The following APBA1 variants were observed in gnomAD, a reference collection of about 807,000 sequenced individuals.
APBA1 encodes amyloid beta precursor protein binding family A member 1, also known as amyloid-beta A4 precursor protein-binding family A member 1.
A neutral mutation model predicts 86.6 loss-of-function variants in APBA1; 55 were observed. That is an observed-to-expected ratio of 0.64 (90% CI 0.51 to 0.80). The LOEUF (loss-of-function observed/expected upper bound fraction) is 0.80. Ranked by LOEUF, APBA1 falls within the 30% of genes least tolerant of loss-of-function variation. The pLI is 0.00. For missense variants in APBA1, 1,090 were observed against 1,183.0 expected (o/e 0.92, Z 1.15); for synonymous variants, 511 against 493.9 (o/e 1.03, Z -0.46).
At chr9:69,540,053 G>A (rs760702010) in intron 1 of APBA1, among the ~76,000 whole-genome samples, 5 of 151,996 alleles carry the variant, frequency 3.3e-5, no homozygotes, top group Admixed American at 1.3e-4. Context: ...TCGGGAGGCG[G>A]AGGTTGCAGT....
chr9:69,573,641 C>G (rs1163191421), intron 1 of APBA1, among the ~76,000 whole-genome samples: 1 of 152,132 alleles, frequency 6.6e-6, no homozygotes, highest in Non-Finnish European at 1.5e-5. Context: ...CTAAATGAAC[C>G]CACTAAATAG....
intron 1 of APBA1, among the ~76,000 whole-genome samples, chr9:69,595,533 C>T (rs1265878688): frequency 6.6e-6 from 1 of 152,188 alleles, no homozygotes; most frequent in East Asian, 1.9e-4. Flanking sequence ...CCATTATTGT[C>T]AATCTGGCTC....
intron 1 of APBA1, among the ~76,000 whole-genome samples, chr9:69,575,794 T>C (rs1046536192): frequency 1.2e-4 from 19 of 152,160 alleles, no homozygotes; most frequent in Non-Finnish European, 1.5e-5. Flanking sequence ...GACATAAGCA[T>C]GGGCAAGGAC....
chr9:69,524,765 G>T (rs1295909800), intron 1 of APBA1, among the ~76,000 whole-genome samples: 2 of 151,974 alleles, frequency 1.3e-5, no homozygotes, highest in Admixed American at 1.3e-4. Flanking sequence ...CCAAAAACCT[G>T]GAAAAGACAC....
intron 1 of APBA1, among the ~76,000 whole-genome samples, chr9:69,574,391 G>A (rs1482051501): frequency 2.6e-5 from 4 of 151,968 alleles, no homozygotes; most frequent in Admixed American, 6.6e-5. Context: ...ACCTTTCTTC[G>A]CAAACAACTT....
chr9:69,506,047 G>A (rs1344631827), intron 2 of APBA1, among the ~76,000 whole-genome samples: 2 of 151,278 alleles, frequency 1.3e-5, no homozygotes, highest in Non-Finnish European at 3.0e-5. Context: ...AAAAAAAAAA[G>A]AAAAGGAGGA....
intron 1 of APBA1, among the ~76,000 whole-genome samples, chr9:69,646,360 T>C (rs1178419817): frequency 1.3e-5 from 2 of 152,230 alleles, no homozygotes; most frequent in East Asian, 3.8e-4. Flanking sequence ...TTAAAACATA[T>C]AGAAAACAGG....
intron 1 of APBA1, among the ~76,000 whole-genome samples, chr9:69,663,410 CT>C (rs745403646): frequency 1.2e-4 from 18 of 152,238 alleles, no homozygotes; most frequent in Admixed American, 8.5e-4. Context: ...TCCAAATTCA[CT>C]GAATAGCCAA....
At chr9:69,450,671 C>A (rs534112601) in intron 9 of APBA1, among the ~76,000 whole-genome samples, 1 of 152,170 alleles carries the variant, frequency 6.6e-6, no homozygotes, top group Non-Finnish European at 1.5e-5. Context: ...GAATTACCAA[C>A]CCCCAGTGCC....
chr9:69,486,533 G>C (rs1004619325), intron 2 of APBA1, among the ~76,000 whole-genome samples: 7 of 152,220 alleles, frequency 4.6e-5, no homozygotes, highest in African/African-American at 1.7e-4. Context: ...CCAGGATGTT[G>C]TTCTGTACAG....
intron 1 of APBA1, among the ~76,000 whole-genome samples, chr9:69,523,477 GTATATATATATA>G (rs1163577400): frequency 5.0e-5 from 4 of 80,632 alleles, no homozygotes; most frequent in African/African-American, 2.2e-4. Flanking sequence ...ATATATATAT[GTATATATATATA>G]TATATATGTA....
chr9:69,633,040 C>T (rs1273824781), intron 1 of APBA1, among the ~76,000 whole-genome samples: 3 of 151,916 alleles, frequency 2.0e-5, no homozygotes, highest in Non-Finnish European at 4.4e-5. Flanking sequence ...GCTGCCCTCC[C>T]TAACAGCTAT....
chr9:69,660,641 T>C (rs1823736430), intron 1 of APBA1, among the ~76,000 whole-genome samples: 1 of 152,188 alleles, frequency 6.6e-6, no homozygotes, highest in African/African-American at 2.4e-5. Flanking sequence ...AACTCAATCA[T>C]TCCCAAAGCT....
chr9:69,543,290 C>G (rs1468693962), intron 1 of APBA1, among the ~76,000 whole-genome samples: 2 of 123,694 alleles, frequency 1.6e-5, no homozygotes, highest in East Asian at 4.8e-4. Flanking sequence ...CCCCCCCCCC[C>G]CGGCCTGTCC....
intron 1 of APBA1, among the ~76,000 whole-genome samples, chr9:69,648,017 C>T (rs1016809260): frequency 6.6e-6 from 1 of 152,202 alleles, no homozygotes; most frequent in Non-Finnish European, 1.5e-5. Flanking sequence ...ATGCTGCAGC[C>T]GCCCCCACCA....
intron 1 of APBA1, among the ~76,000 whole-genome samples, chr9:69,519,791 A>G (rs1836223686): frequency 6.6e-6 from 1 of 152,220 alleles, no homozygotes; most frequent in Non-Finnish European, 1.5e-5. Context: ...ATCTATTGAC[A>G]TATGTATTAA....
intron 1 of APBA1, among the ~76,000 whole-genome samples, chr9:69,659,179 C>T (rs1823702898): frequency 2.0e-5 from 3 of 152,146 alleles, no homozygotes. Flanking sequence ...TTCAGTGTCA[C>T]AGTCCTACAT....
intron 1 of APBA1, among the ~76,000 whole-genome samples, chr9:69,539,962 T>C (rs1260282567): frequency 1.3e-5 from 2 of 152,046 alleles, no homozygotes; most frequent in Non-Finnish European, 2.9e-5. Flanking sequence ...CTACTAAAAA[T>C]ACAAAAATAT....
intron 2 of APBA1, among the ~76,000 whole-genome samples, chr9:69,488,596 G>C (rs1835649741): frequency 1.3e-5 from 2 of 152,120 alleles, no homozygotes; most frequent in South Asian, 4.1e-4. Flanking sequence ...GGATTCCTTA[G>C]AGCACCTCCG....
Sources: allele counts gnomAD v4.1 joint callset (sites outside exome capture counted in the v4.1 genomes callset), GRCh38; gene constraint gnomAD v4.1.1; transcripts MANE v1.5; gene names NCBI Gene and HGNC (gene_info 2026-07-23, HGNC 2026-07-21).